The following IL12B variants were observed in gnomAD, a reference collection of about 807,000 sequenced individuals.
IL12B encodes the protein interleukin-12 subunit beta.
A neutral mutation model predicts 39.2 loss-of-function variants in IL12B; 27 were observed. The observed-to-expected ratio is 0.69, with a 90% CI of 0.51 to 0.95. The LOEUF (loss-of-function observed/expected upper bound fraction) is 0.95. Ranked by LOEUF, IL12B falls within the 40% of genes least tolerant of loss-of-function variation. The pLI, the probability that IL12B is intolerant of heterozygous loss-of-function variation, is 0.00. For missense variants in IL12B, 351 were observed against 397.6 expected (o/e 0.88, Z 1.00); for synonymous variants, 142 against 152.1 (o/e 0.93, Z 0.49).
At chr5:159,316,664 G>T (rs763955123) in intron 7 of IL12B, 21 bp downstream of exon 7, 4 of 1,607,338 alleles carry the variant, frequency 2.5e-6, no homozygotes, top group Admixed American at 3.4e-5. Flanking sequence ...GGCCTGGGCT[G>T]GCCTTTGAGG....
chr5:159,323,196 G>A lies in IL12B; in HGVS notation c.222C>T (p.Thr74=). The A allele has an allele frequency of 6.2e-7, 1 of 1,614,116 alleles. No individual in the cohort carries two copies. The highest frequency in any genetic ancestry group is 8.5e-7 in the Non-Finnish European group (1 of 1,180,024). The change falls in exon 3 of 8, where the codon ACC becomes ACT. Residue 74 remains threonine, a synonymous_variant. Coordinates refer to ENST00000231228, the MANE Select transcript of IL12B (RefSeq NM_002187.3). ...QSSEVLGSGK[T]LTIQVKEFGD... ...CAAACTCTTTGACTTGGATGGTCAG[G>A]GTTTTGCCAGAGCCTAAGACCTCAC...
rs1248893694 is a variant in IL12B, at chr5:159,320,453, T to C, written c.550A>G (p.Asn184Asp). Reference protein sequence around the residue: ...TLSAERVRGDNKEYEYSVECQ... With the variant: ...TLSAERVRGDDKEYEYSVECQ... ...TCCACTGAGTACTCATACTCCTTGT[T>C]GTCCCCTCTGACTCTCTCTGCAGAG... is the stretch of plus-strand genomic sequence containing the variant. The change falls in exon 5 of 8, where the codon AAC becomes GAC. Residue 184 changes from asparagine (N) to aspartate (D), a missense_variant. Coordinates refer to ENST00000231228, the MANE Select transcript of IL12B (RefSeq NM_002187.3). 1.2e-6 allele frequency: 2 copies of C among 1,614,054 alleles called. No individual in the cohort carries two copies. The highest frequency in any genetic ancestry group is 2.2e-5 in the East Asian group (1 of 44,894).
intron 5 of IL12B, 119 bp from the exon 6 acceptor site, chr5:159,319,012 C>A (rs10043718): frequency 2.3e-6 from 2 of 876,646 alleles, no homozygotes; most frequent in Middle Eastern, 3.3e-4. Context: ...AGTTACTTAA[C>A]TTCTGTGAGC....
intron 6 of IL12B, among the ~76,000 whole-genome samples, chr5:159,317,796 C>T (rs930562371): frequency 6.6e-6 from 1 of 152,238 alleles, no homozygotes. Context: ...ATTACATGCA[C>T]TCAGTTGAAA....
intron 3 of IL12B, 126 bp downstream of exon 3, chr5:159,322,928 C>G: frequency 1.1e-6 from 1 of 948,540 alleles, no homozygotes; most frequent in Non-Finnish European, 1.7e-6. Context: ...CAATTAACAT[C>G]AATAAGAGAC....
chr5:159,323,896 T>C (rs1159274075), intron 2 of IL12B, among the ~76,000 whole-genome samples: 1 of 121,978 alleles, frequency 8.2e-6, no homozygotes, highest in African/African-American at 3.8e-5. Flanking sequence ...TGACTGAGGA[T>C]TAAATGAAAA....
chr5:159,325,773 A>C (rs946967055), intron 2 of IL12B: 4 of 152,182 alleles, frequency 2.6e-5, no homozygotes, highest in Non-Finnish European at 4.4e-5. Flanking sequence ...GAGACAGTGC[A>C]CTCAATAAAC....
chr5:159,325,789 C>CTAT (rs1003831332), intron 2 of IL12B: 51 of 151,426 alleles, frequency 3.4e-4, no homozygotes, highest in African/African-American at 1.2e-3. Context: ...TAAACATTAA[C>CTAT]TATTATTATT....
At chr5:159,329,571 G>T (rs1754243768) in intron 1 of IL12B, among the ~76,000 whole-genome samples, 1 of 152,012 alleles carries the variant, frequency 6.6e-6, no homozygotes, top group African/African-American at 2.4e-5. Flanking sequence ...ATCTTGTTTT[G>T]CACTTTACCC....
chr5:159,316,622 A>T, intron 7 of IL12B, 63 bp downstream of exon 7: 2 of 1,557,964 alleles, frequency 1.3e-6, no homozygotes, highest in Non-Finnish European at 1.8e-6. Flanking sequence ...GCCCCCAATC[A>T]TATCCCTGCA....
rs142998256 is a variant in IL12B at position 159,323,118 on chromosome 5, C to T, written c.300G>A (p.Ser100=). 3.9e-5 allele frequency: 63 copies of T among 1,614,092 alleles called. No individual in the cohort carries two copies. In the Middle Eastern group the frequency reaches 1.5e-3, roughly 38 times the overall value. Residue 100 remains serine (S), a synonymous_variant, in exon 3 of 8, where the codon TCG becomes TCA. Transcript: ENST00000231228. ...CHKGGEVLSH[S]LLLLHKKEDG... ...CTTCCTTTTTGTGAAGCAGCAGGAG[C>T]GAATGGCTTAGAACCTCGCCTCCTT...
intron 2 of IL12B, chr5:159,325,523 C>T (rs762451248): frequency 2.0e-5 from 3 of 152,136 alleles, no homozygotes; most frequent in Non-Finnish European, 4.4e-5. Flanking sequence ...TGTCCATTTC[C>T]TCTTATTCAG....
chr5:159,316,596 T>C (rs756796785), intron 7 of IL12B, 89 bp downstream of exon 7: 519 of 1,428,808 alleles, frequency 3.6e-4, no homozygotes, highest in Non-Finnish European at 4.7e-4. Flanking sequence ...TCCATCCCCC[T>C]TTCCTCTCCA....
At chr5:159,318,638 A>G (rs1424304717) in intron 6 of IL12B, 98 bp downstream of exon 6, 3 of 1,097,576 alleles carry the variant, frequency 2.7e-6, no homozygotes, top group South Asian at 1.2e-5. Context: ...TAAGTGATAC[A>G]TGGATGTCAT....
Position 159,323,122 on chromosome 5 carries a change from T to A in IL12B, c.296A>T (p.His99Leu), listed in dbSNP as rs1010779225. ...CTTTTTGTGAAGCAGCAGGAGCGAA[T>A]GGCTTAGAACCTCGCCTCCTTTGTG... ...TCHKGGEVLS[H>L]SLLLLHKKED... Residue 99 changes from histidine (H) to leucine (L), a missense_variant, in exon 3 of 8, where the codon CAT (histidine) becomes CTT (leucine). His to Leu is a moderately conservative substitution (Grantham distance 99). Coordinates refer to ENST00000231228, the MANE Select transcript of IL12B (RefSeq NM_002187.3). 11 of 1,614,196 alleles carry A rather than the reference T, an allele frequency of 6.8e-6. No individual in the cohort carries two copies. Among genetic ancestry groups the A allele is most frequent in the Non-Finnish European group, 8.5e-6 (10 of 1,180,018 alleles).
Position 159,316,825 on chromosome 5 carries a change from G to C in IL12B, c.856-9C>G. On this transcript the variant is annotated splice_polypyrimidine_tract_variant and intron_variant, in intron 6 of 7. Transcript: ENST00000231228. ...GTGAAGACTCTATCTTTCTGCAAAAGAGAAGGAAAGCTGTGAAGACCCCTT... is the reference window on the plus strand; with the variant it reads ...GTGAAGACTCTATCTTTCTGCAAAACAGAAGGAAAGCTGTGAAGACCCCTT... 6.2e-7 allele frequency: 1 copy of C among 1,613,882 alleles called. No homozygotes were observed.
rs183576218 is a variant in IL12B, at chr5:159,322,493, A to C, written c.383T>G (p.Phe128Cys). Reference protein sequence around the residue: ...KDQKEPKNKTFLRCEAKNYSG... With the variant: ...KDQKEPKNKTCLRCEAKNYSG... ...ATAATTCTTGGCCTCGCATCTTAGA[A>C]AGGTCTTATTTTTGGGTTCTGGATT... Residue 128 changes from phenylalanine to cysteine, a missense_variant, in exon 4 of 8, where the codon TTT (phenylalanine) becomes TGT (cysteine). Physicochemically the swap from Phe to Cys is radical, Grantham distance 205. Transcript: ENST00000231228. The C allele has an allele frequency of 6.2e-7, 1 of 1,613,018 alleles. No individual in the cohort carries two copies. The highest frequency in any genetic ancestry group is 2.2e-5 in the East Asian group (1 of 44,878).
Position 159,321,045 on chromosome 5 carries a change from G to C in IL12B, c.483-525C>G, listed in dbSNP as rs897893699. Among the ~76,000 whole-genome samples, 52 of 150,620 alleles carry C rather than the reference G, an allele frequency of 3.5e-4. 1 individual carries two copies. The highest frequency in any genetic ancestry group is 1.9e-3 in the Admixed American group (29 of 15,116). On this transcript the variant is annotated intron_variant, in intron 4 of 7. Transcript: ENST00000231228. ...GACAGGGTTTTGCTCTGCCACCCAGGCTGGAGTGAAGTGGTGGAATCAGAC... is the reference window on the plus strand; with the variant it reads ...GACAGGGTTTTGCTCTGCCACCCAGCCTGGAGTGAAGTGGTGGAATCAGAC...
In IL12B at chr5:159,318,754, G is replaced by A; in HGVS notation, c.837C>T (p.Gly279=). 6.2e-7 allele frequency: 1 copy of A among 1,614,088 alleles called. No individual in the cohort carries two copies. The highest frequency in any genetic ancestry group is 8.5e-7 in the Non-Finnish European group (1 of 1,179,998). The change falls in exon 6 of 8, where the codon GGC becomes GGT. Residue 279 remains glycine, a synonymous_variant. Coordinates refer to ENST00000231228, the MANE Select transcript of IL12B (RefSeq NM_002187.3). ...TTCTTACCTTTTCTCTCTTGCTCTT[G>A]CCCTGGACCTGAACGCAGAATGTCA... ...FSLTFCVQVQ[G]KSKREKKDRV...
Sources: allele counts gnomAD v4.1 joint callset (sites outside exome capture counted in the v4.1 genomes callset), GRCh38; gene constraint gnomAD v4.1.1; transcripts MANE v1.5; gene names NCBI Gene and HGNC (gene_info 2026-07-23, HGNC 2026-07-21).